Variants in SHC2 observed in about 807,000 individuals in gnomAD.
The protein encoded by SHC2 is SHC adaptor protein 2.
Under a neutral mutation model 60.6 loss-of-function variants are expected in SHC2, and 62 were observed. The observed-to-expected ratio is 1.02, with a 90% CI of 0.83 to 1.26. The LOEUF (loss-of-function observed/expected upper bound fraction) is 1.26. SHC2 is among the 50% of genes most tolerant of loss of function. The pLI is 0.00. For missense variants in SHC2, 873 were observed against 822.2 expected, an observed-to-expected ratio of 1.06 and a Z score of -0.76; for synonymous variants, 375 against 372.4, an observed-to-expected ratio of 1.01 and a Z score of -0.08.
chr19:429,266 A>G (rs1473747312), intron 9 of SHC2, among the ~76,000 whole-genome samples: 1 of 148,260 alleles, frequency 6.7e-6, no homozygotes, highest in African/African-American at 2.5e-5. Flanking sequence ...ATGCACGGAA[A>G]CCTCATACCG....
rs1173964799 is a variant in SHC2 at position 453,655 on chromosome 19, G to A, written c.468+6874C>T. ...CCACACCTGACCCCTCGCCTTCAAG[G>A]AAAAGCTGCATTTGGAGCTGAACCA... On this transcript the variant is annotated intron_variant, in intron 1 of 12. Coordinates refer to ENST00000264554, the MANE Select transcript of SHC2 (RefSeq NM_012435.3). This position sits in a 1 kb window ranked among gnomAD's most constrained non-coding sequence, Gnocchi z 6.3. Among the ~76,000 whole-genome samples the A allele has an allele frequency of 6.6e-6, 1 of 152,142 alleles. No individual in the cohort carries two copies. Among genetic ancestry groups the A allele is most frequent in the Non-Finnish European group, 1.5e-5 (1 of 68,030 alleles).
Position 425,252 on chromosome 19 carries a change from CA to C in SHC2, c.1175-22del, listed in dbSNP as rs1205062600. On this transcript the variant is annotated intron_variant, in intron 9 of 12. Coordinates refer to ENST00000264554, the MANE Select transcript of SHC2 (RefSeq NM_012435.3). The surrounding 1 kb of genome is among the most constrained non-coding windows in gnomAD (Gnocchi z 4.1). ...TGGAGCTGGGGAGTGTAAAGAGGGG[CA>C]GGGGGTCAGCTGGGAGCCAGGCGAG... 1 of 1,315,264 alleles carries C rather than the reference CA, an allele frequency of 7.6e-7. No individual in the cohort carries two copies. The highest frequency in any genetic ancestry group is 9.8e-7 in the Non-Finnish European group (1 of 1,024,166). The allele number at this position is 1,315,264 out of a possible 1,614,324, so 81.5% of individuals were successfully genotyped here. A position where few individuals can be genotyped will look rare whatever the true frequency, so the allele number is the denominator to read the frequency against.
rs1180713766 is a variant in SHC2 at position 422,572 on chromosome 19, C to T, written c.1310-116G>A. 7 of 848,610 alleles carry T rather than the reference C, an allele frequency of 8.2e-6. No homozygotes were observed. The highest frequency in any genetic ancestry group is 7.2e-5 in the South Asian group (4 of 55,558). The allele number at this position is 848,610 out of a possible 1,614,324, so 52.6% of individuals were successfully genotyped here. On this transcript the variant is annotated intron_variant, in intron 10 of 12. Coordinates refer to ENST00000264554, the MANE Select transcript of SHC2 (RefSeq NM_012435.3). This position sits in a 1 kb window ranked among gnomAD's most constrained non-coding sequence, Gnocchi z 5.0. The stretch of plus-strand genomic sequence containing the variant: ...AGTCCCTCGTGCACCCGTCGGCCTG[C>T]GCTGACCGAGCGCCCACAGCGTATC...
intron 9 of SHC2, among the ~76,000 whole-genome samples, chr19:429,752 G>A (rs34144609): frequency 1.1e-3 from 100 of 87,038 alleles, no homozygotes; most frequent in Admixed American, 1.5e-3. Flanking sequence ...CAACATGCTC[G>A]GAAACCTAAC....
In SHC2 at chr19:441,448, A is replaced by G. The variant is rs117352882; in HGVS notation, c.469-516T>C. On this transcript the variant is annotated intron_variant, in intron 1 of 12. Coordinates refer to ENST00000264554, the MANE Select transcript of SHC2 (RefSeq NM_012435.3). This position sits in a 1 kb window ranked among gnomAD's most constrained non-coding sequence, Gnocchi z 4.9. Reference sequence around the variant, plus strand: ...CATGAAAAGGGAATTCACCATCTCAATGACTGATAATACTGAGGGACGAGA... The same window carrying G: ...CATGAAAAGGGAATTCACCATCTCAGTGACTGATAATACTGAGGGACGAGA... Among the ~76,000 whole-genome samples, 1,025 of 152,212 alleles carry G rather than the reference A, an allele frequency of 6.7e-3. 39 individuals carry two copies. In the East Asian group the frequency reaches 0.11, roughly 16 times the overall value.
intron 1 of SHC2, among the ~76,000 whole-genome samples, chr19:447,240 T>G (rs1434160408): frequency 7.0e-6 from 1 of 143,578 alleles, no homozygotes; most frequent in Non-Finnish European, 1.5e-5. Flanking sequence ...CCCATTTCTA[T>G]GAAGTGGCCA....
chr19:427,646 G>T (rs1449654457), intron 9 of SHC2, among the ~76,000 whole-genome samples: 1 of 89,222 alleles, frequency 1.1e-5, no homozygotes, highest in African/African-American at 4.9e-5. Context: ...ACAGGGGACG[G>T]CGCACAGCAC....
intron 1 of SHC2, among the ~76,000 whole-genome samples, chr19:443,725 G>A (rs1234143753): frequency 6.7e-6 from 1 of 149,982 alleles, no homozygotes; most frequent in Non-Finnish European, 1.5e-5. Flanking sequence ...CGGGTGAGTG[G>A]ATGGGTGGGT....
At position 430,667 on chromosome 19, in the gene SHC2, G is replaced by T. The variant is rs754977874; in HGVS notation, c.1174+17C>A. On this transcript the variant is annotated intron_variant, in intron 9 of 12. Coordinates refer to ENST00000264554, the MANE Select transcript of SHC2 (RefSeq NM_012435.3). ...AGAATCCTCGTGGGTACCCCTTGCA[G>T]CCCCAGCCCATCCTACCTGTACCGG... 7 of 1,610,934 alleles carry T rather than the reference G, an allele frequency of 4.3e-6. No homozygotes were observed. The highest frequency in any genetic ancestry group is 1.7e-4 in the Middle Eastern group (1 of 6,052).
intron 8 of SHC2, among the ~76,000 whole-genome samples, chr19:431,451 C>T (rs1411594977): frequency 9.6e-5 from 7 of 72,734 alleles, no homozygotes; most frequent in Non-Finnish European, 1.5e-4. Context: ...GGCGCTTCAT[C>T]GTGAGTGAGA....
intron 1 of SHC2, among the ~76,000 whole-genome samples, chr19:450,624 GAC>G (rs1360953338): frequency 2.0e-5 from 3 of 152,234 alleles, no homozygotes; most frequent in Non-Finnish European, 4.4e-5. Flanking sequence ...CACCGAGTGA[GAC>G]ATCCTCAAGG....
In SHC2 at chr19:460,783, C is replaced by T. The variant is rs1975531710; in HGVS notation, c.214G>A (p.Val72Ile). The change falls in exon 1 of 13, where the codon GTC (valine) becomes ATC (isoleucine). Residue 72 changes from valine (V) to isoleucine (I), a missense_variant. Coordinates refer to ENST00000264554, the MANE Select transcript of SHC2 (RefSeq NM_012435.3). ...PQPEPAGPGG[V>I]PALAAAVLGA... ...AGGACGGCGGCCGCCAGCGCCGGGA[C>T]GCCCCCCGGGCCCGCCGGCTCGGGT... The T allele has an allele frequency of 1.6e-5, 16 of 978,904 alleles. No homozygotes were observed. The highest frequency in any genetic ancestry group is 6.4e-5 in the Admixed American group (1 of 15,700). The allele number at this position is 978,904 out of a possible 1,614,324, so 60.6% of individuals were successfully genotyped here. A position where few individuals can be genotyped will look rare whatever the true frequency, so the allele number is the denominator to read the frequency against.
chr19:434,463 A>AGTGAGTGAGATCGTGAGTCT (rs1555705684), intron 8 of SHC2, among the ~76,000 whole-genome samples: 4 of 1,380 alleles, frequency 2.9e-3, no homozygotes, highest in Non-Finnish European at 6.7e-3. Context: ...ATAGTGAGCA[A>AGTGAGTGAGATCGTGAGTCT]GTGAGTGAGA....
rs541564010 is a variant in SHC2 at position 422,823 on chromosome 19, C to T, written c.1310-367G>A. 45 of 194,320 alleles carry T rather than the reference C, an allele frequency of 2.3e-4. No homozygotes were observed. The highest frequency in any genetic ancestry group is 7.2e-4 in the African/African-American group (31 of 42,862). The allele number at this position is 194,320 out of a possible 1,614,324, so 12.0% of individuals were successfully genotyped here. ...TTGTCTGGTCTTACTGCATTGGCCG[C>T]GGGGCCTCCAATGTGCCCTAAATAC... On this transcript the variant is annotated intron_variant, in intron 10 of 12. Coordinates refer to ENST00000264554, the MANE Select transcript of SHC2 (RefSeq NM_012435.3). This position sits in a 1 kb window ranked among gnomAD's most constrained non-coding sequence, Gnocchi z 5.0.
intron 9 of SHC2, among the ~76,000 whole-genome samples, chr19:427,219 G>A (rs185733125): frequency 1.4e-4 from 21 of 152,374 alleles, no homozygotes; most frequent in Admixed American, 1.3e-3. Context: ...TGTTAGCAAG[G>A]CTGTTAGGAA....
chr19:424,705 A>T lies in SHC2; in HGVS notation c.1309+392T>A, dbSNP rs1974365228. ...GACAGAGGCAGGTGGGTTACCCCCG[A>T]GAGAGTGGAGCTTCTCACAGAGCGG... On this transcript the variant is annotated intron_variant, in intron 10 of 12. Transcript: ENST00000264554. This position sits in a 1 kb window ranked among gnomAD's most constrained non-coding sequence, Gnocchi z 4.5. Among the ~76,000 whole-genome samples the T allele has an allele frequency of 6.6e-6, 1 of 152,092 alleles. No individual in the cohort carries two copies. Among genetic ancestry groups the T allele is most frequent in the African/African-American group, 2.4e-5 (1 of 41,410 alleles).
chr19:438,969 C>T lies in SHC2; in HGVS notation c.600+1G>A. 1 of 1,600,158 alleles carries T rather than the reference C, an allele frequency of 6.2e-7. No individual in the cohort carries two copies. The highest frequency in any genetic ancestry group is 1.3e-5 in the African/African-American group (1 of 74,684). ...CACGAGAGACCACAAGCCTCACTCA[C>T]CTTTTTCTTCCAGGATCCCCGGACG... On this transcript the variant is annotated splice_donor_variant, in intron 3 of 12. Coordinates refer to ENST00000264554, the MANE Select transcript of SHC2 (RefSeq NM_012435.3). LOFTEE classifies it high-confidence loss of function. This position sits in a 1 kb window ranked among gnomAD's most constrained non-coding sequence, Gnocchi z 5.0.
rs757529836 is a variant in SHC2, at chr19:422,108, T to C, written c.1620+38A>G. The C allele has an allele frequency of 1.9e-6, 2 of 1,073,150 alleles. No individual in the cohort carries two copies. Among genetic ancestry groups the C allele is most frequent in the Non-Finnish European group, 2.3e-6 (2 of 876,546 alleles). The allele number at this position is 1,073,150 out of a possible 1,614,324, so 66.5% of individuals were successfully genotyped here. On this transcript the variant is annotated intron_variant, in intron 11 of 12. Transcript: ENST00000264554. This position sits in a 1 kb window ranked among gnomAD's most constrained non-coding sequence, Gnocchi z 5.0. ...TCCCACCTGTGCCCAGCGAAGCCCC[T>C]GGATGCCCCGAGACCCTCCCACCTG...
chr19:452,512 G>A (rs896324682), intron 1 of SHC2, among the ~76,000 whole-genome samples: 927 of 123,332 alleles, frequency 7.5e-3, no homozygotes, highest in African/African-American at 0.031. Context: ...GAGTTCCTGC[G>A]TAGGTGTGCG....
Sources: gnomAD v4.1 joint callset for allele counts (sites outside exome capture counted in the v4.1 genomes callset) on GRCh38, gnomAD v4.1.1 for gene constraint, Gnocchi (gnomAD v3.1) non-coding constraint, MANE v1.5 for transcripts, NCBI Gene and HGNC (gene_info 2026-07-23, HGNC 2026-07-21) for gene names.